Variants in NUP107 observed in about 807,000 individuals in gnomAD.
NUP107 encodes the protein nuclear pore complex protein Nup107.
A neutral mutation model predicts 141.0 loss-of-function variants in NUP107; 101 were observed. The observed-to-expected ratio is 0.72, with a 90% CI of 0.61 to 0.84. The LOEUF is 0.84. Ranked by LOEUF, NUP107 falls within the 40% of genes least tolerant of loss-of-function variation. The pLI, the probability that NUP107 is intolerant of heterozygous loss-of-function variation, is 0.00. For missense variants in NUP107, 941 were observed against 1,102.7 expected, an observed-to-expected ratio of 0.85 and a Z score of 2.08; for synonymous variants, 319 against 363.9, an observed-to-expected ratio of 0.88 and a Z score of 1.41.
chr12:68,690,459 A>G, intron 3 of NUP107, 172 bp from the exon 4 acceptor site: 1 of 886,520 alleles, frequency 1.1e-6, no homozygotes, highest in South Asian at 1.8e-5. Flanking sequence ...AATTTAGAAA[A>G]ATAAGTTAAA....
intron 5 of NUP107, among the ~76,000 whole-genome samples, chr12:68,696,236 G>A (rs936869350): frequency 8.6e-5 from 13 of 150,690 alleles, no homozygotes; most frequent in South Asian, 2.1e-4. Flanking sequence ...ATGGTGGCAC[G>A]CACCTGTAGT....
rs1272580206 is a variant in NUP107, at chr12:68,744,227, A to G, written c.*1765A>G. 1 of 152,082 alleles carries G rather than the reference A, an allele frequency of 6.6e-6. No homozygotes were observed. Among genetic ancestry groups the G allele is most frequent in the African/African-American group, 2.4e-5 (1 of 41,402 alleles). The allele number at this position is 152,082 out of a possible 1,614,324, so 9.4% of individuals were successfully genotyped here. Reference sequence around the variant, plus strand: ...TCATCTATTTAGGAACTTGTTTTGCATGTCCCCCACTCTGTATTTGTCTTT... The same window carrying G: ...TCATCTATTTAGGAACTTGTTTTGCGTGTCCCCCACTCTGTATTTGTCTTT... On this transcript the variant is annotated 3_prime_UTR_variant, in exon 28 of 28. Coordinates refer to ENST00000229179, the MANE Select transcript of NUP107 (RefSeq NM_020401.4).
chr12:68,719,361 C>T lies in NUP107; in HGVS notation c.1104C>T (p.Arg368=). 1 of 1,614,104 alleles carries T rather than the reference C, an allele frequency of 6.2e-7. No homozygotes were observed. The highest frequency in any genetic ancestry group is 8.5e-7 in the Non-Finnish European group (1 of 1,179,984). The stretch of plus-strand genomic sequence containing the variant: ...CTAAGGCACAACGACTCTGTAAACG[C>T]TGTGGTCAAGCATGGAGAGCTGCAA... ...MTEEAQRLCK[R]CGQAWRAATL... The change falls in exon 13 of 28, where the codon CGC becomes CGT. Residue 368 remains arginine, a synonymous_variant. Transcript: ENST00000229179.
At chr12:68,709,683 G>A (rs888948351) in intron 9 of NUP107, among the ~76,000 whole-genome samples, 24 of 151,864 alleles carry the variant, frequency 1.6e-4, no homozygotes, top group African/African-American at 5.3e-4. Flanking sequence ...GAGGTCAGGA[G>A]ATCGAGACCA....
chr12:68,706,431 C>A, intron 8 of NUP107: 1 of 823,752 alleles, frequency 1.2e-6, no homozygotes. Context: ...GTCAAGGCAC[C>A]GTACGAGGAG....
chr12:68,720,205 A>G (rs530992445), intron 14 of NUP107, among the ~76,000 whole-genome samples: 5 of 152,338 alleles, frequency 3.3e-5, no homozygotes, highest in Non-Finnish European at 7.3e-5. Context: ...CATTAGTGAT[A>G]CATAAAATGA....
intron 5 of NUP107, 32 bp downstream of exon 5, chr12:68,692,144 C>G (rs897927519): frequency 3.3e-6 from 5 of 1,536,298 alleles, no homozygotes; most frequent in Non-Finnish European, 4.4e-6. Context: ...TGACAAGTAG[C>G]TTTTCACTTT....
At chr12:68,691,343 A>G (rs1241992831) in intron 4 of NUP107, among the ~76,000 whole-genome samples, 1 of 152,244 alleles carries the variant, frequency 6.6e-6, no homozygotes, top group African/African-American at 2.4e-5. Context: ...GTTTTGAAGC[A>G]TACAAGAGTA....
At chr12:68,727,418 G>GT in intron 20 of NUP107, 29 bp downstream of exon 20, 1 of 1,297,736 alleles carries the variant, frequency 7.7e-7, no homozygotes. Context: ...CAACCTGATT[G>GT]TTTTTTACTA....
intron 26 of NUP107, chr12:68,739,852 AG>A (rs917134898): frequency 6.6e-6 from 1 of 150,742 alleles, no homozygotes; most frequent in African/African-American, 2.4e-5. Flanking sequence ...AAAAAAAAAA[AG>A]TGGAAATATC....
In NUP107 at chr12:68,702,748, G is replaced by A; in HGVS notation, c.693G>A (p.Gln231=). The A allele has an allele frequency of 6.5e-7, 1 of 1,546,978 alleles. No individual in the cohort carries two copies. Among genetic ancestry groups the A allele is most frequent in the South Asian group, 1.3e-5 (1 of 78,926 alleles). Residue 231 remains glutamine, a synonymous_variant, in exon 8 of 28, where the codon CAG becomes CAA. Coordinates refer to ENST00000229179, the MANE Select transcript of NUP107 (RefSeq NM_020401.4). ...TATTTTTCCCCAGAGACAGAATACA[G>A]TCTGCATTAGAAGAGGAAAGTGTAT... ...LLASLYRDRI[Q]SALEEESVFA...
At position 68,719,360 on chromosome 12, in the gene NUP107, G is replaced by T. The variant is rs771157258; in HGVS notation, c.1103G>T (p.Arg368Leu). Residue 368 changes from arginine (R) to leucine (L), a missense_variant, in exon 13 of 28, where the codon CGC becomes CTC. Transcript: ENST00000229179. ...TCTAAGGCACAACGACTCTGTAAACGCTGTGGTCAAGCATGGAGAGCTGCA... is the reference window on the plus strand; with the variant it reads ...TCTAAGGCACAACGACTCTGTAAACTCTGTGGTCAAGCATGGAGAGCTGCA... ...MTEEAQRLCK[R>L]CGQAWRAATL... 1.2e-6 allele frequency: 2 copies of T among 1,614,020 alleles called. No homozygotes were observed. The highest frequency in any genetic ancestry group is 1.7e-6 in the Non-Finnish European group (2 of 1,179,946).
In NUP107 at chr12:68,731,167, C is replaced by T; in HGVS notation, c.1792C>T (p.Gln598Ter). Residue 598 changes from glutamine (Q) to a stop codon, truncating the protein, a stop_gained, in exon 21 of 28, where the codon CAA (glutamine) becomes TAA (stop). Coordinates refer to ENST00000229179, the MANE Select transcript of NUP107 (RefSeq NM_020401.4). LOFTEE classifies it high-confidence loss of function. ...AGCATTTTATACCTGTCATTTGCCT[C>T]AAGACCTAGCTGTTGCCCAGTATGC... ...LIAFYTCHLPQDLAVAQYALF... is the reference protein window; with the variant it reads ...LIAFYTCHLP The T allele has an allele frequency of 1.2e-6, 2 of 1,611,766 alleles. No homozygotes were observed. The highest frequency in any genetic ancestry group is 1.7e-6 in the Non-Finnish European group (2 of 1,178,772).
chr12:68,743,259 G>C lies in NUP107; in HGVS notation c.*797G>C, dbSNP rs1209722055. 6.6e-6 allele frequency: 1 copy of C among 152,252 alleles called. No homozygotes were observed. The highest frequency in any genetic ancestry group is 1.5e-5 in the Non-Finnish European group (1 of 68,120). The allele number at this position is 152,252 out of a possible 1,614,324, so 9.4% of individuals were successfully genotyped here. A position where few individuals can be genotyped will look rare whatever the true frequency, so the allele number is the denominator to read the frequency against. On this transcript the variant is annotated 3_prime_UTR_variant, in exon 28 of 28. Coordinates refer to ENST00000229179, the MANE Select transcript of NUP107 (RefSeq NM_020401.4). ...CTAAAAAAATACAAAAATTAGCCGG[G>C]CATGGTGGCAGGTGCCTGTAATCCC...
intron 8 of NUP107, among the ~76,000 whole-genome samples, chr12:68,703,393 A>G (rs578097236): frequency 6.6e-6 from 1 of 152,056 alleles, no homozygotes; most frequent in Non-Finnish European, 1.5e-5. Flanking sequence ...TTGTATACAC[A>G]CACACATTTG....
At chr12:68,733,403 A>G (rs776064049) in intron 23 of NUP107, 49 bp from the exon 24 acceptor site, 14 of 1,541,594 alleles carry the variant, frequency 9.1e-6, no homozygotes, top group Middle Eastern at 3.5e-4. Flanking sequence ...TTTAGAAACC[A>G]TTACAGAGAA....
intron 5 of NUP107, among the ~76,000 whole-genome samples, chr12:68,693,234 C>T (rs1391531740): frequency 2.6e-5 from 4 of 151,986 alleles, no homozygotes; most frequent in South Asian, 4.1e-4. Context: ...CCCACCACCA[C>T]GCCTGGCTAA....
chr12:68,736,982 C>T lies in NUP107; in HGVS notation c.2502+1638C>T, dbSNP rs146304507. 8.0e-3 allele frequency among the ~76,000 whole-genome samples: 1,220 copies of T among 152,080 alleles called. 14 individuals carry two copies. Among genetic ancestry groups the T allele is most frequent in the African/African-American group, 0.027 (1,134 of 41,478 alleles). On this transcript the variant is annotated intron_variant, in intron 26 of 27. Transcript: ENST00000229179. ...CTCCCAAAGTGCCTGAGATTACAGGCGTGAGCCACTGCGCCCAGCCAAGTC... is the reference window on the plus strand; with the variant it reads ...CTCCCAAAGTGCCTGAGATTACAGGTGTGAGCCACTGCGCCCAGCCAAGTC...
rs750755777 is a variant in NUP107 at position 68,731,208 on chromosome 12, T to C, written c.1833T>C (p.Ser611=). The C allele has an allele frequency of 8.7e-6, 14 of 1,612,598 alleles. No individual in the cohort carries two copies. The East Asian group carries it at 3.1e-4, about 36-fold the overall frequency. The change falls in exon 21 of 28, where the codon AGT becomes AGC. Residue 611 remains serine, a synonymous_variant. Transcript: ENST00000229179. Reference sequence around the variant, plus strand: ...CCCAGTATGCATTATTTTTGGAAAGTGTTACAGAATTTGAACAGCGCCACC... The same window carrying C: ...CCCAGTATGCATTATTTTTGGAAAGCGTTACAGAATTTGAACAGCGCCACC... ...AVAQYALFLE[S]VTEFEQRHHC... is the part of the protein sequence containing the mutation.
Sources: allele counts gnomAD v4.1 joint callset (sites outside exome capture counted in the v4.1 genomes callset), GRCh38; gene constraint gnomAD v4.1.1; transcripts MANE v1.5; gene names NCBI Gene and HGNC (gene_info 2026-07-23, HGNC 2026-07-21).